INPP5A: variants seen among roughly 807,000 people sequenced by gnomAD.
INPP5A encodes inositol polyphosphate-5-phosphatase A.
A neutral mutation model predicts 65.2 loss-of-function variants in INPP5A; 14 were observed. That is an observed-to-expected ratio of 0.21 (90% confidence interval 0.14 to 0.34). The LOEUF (loss-of-function observed/expected upper bound fraction) is 0.34, where lower values mean the gene tolerates loss of function less well. Among genes scored for constraint, INPP5A ranks in the 10% least tolerant of loss-of-function variants. INPP5A has a pLI of 1.00. For synonymous variants in INPP5A, 207 were observed against 208.3 expected (o/e 0.99, Z 0.05); for missense variants, 431 against 545.6 (o/e 0.79, Z 2.09).
intron 1 of INPP5A, among the ~76,000 whole-genome samples, chr10:132,542,406 T>C (rs1013268952): frequency 2.6e-5 from 4 of 152,098 alleles, no homozygotes; most frequent in Non-Finnish European, 4.4e-5. Context: ...GAGTCGGTGA[T>C]GGTCAGTGGT....
intron 4 of INPP5A, among the ~76,000 whole-genome samples, chr10:132,671,445 C>T (rs539488362): frequency 2.6e-5 from 4 of 151,716 alleles, no homozygotes; most frequent in Non-Finnish European, 5.9e-5. Flanking sequence ...GCTTCGGACT[C>T]GGCCCTCCCT....
At chr10:132,623,207 A>G (rs927132863) in intron 2 of INPP5A, among the ~76,000 whole-genome samples, 23 of 152,264 alleles carry the variant, frequency 1.5e-4, no homozygotes, top group Non-Finnish European at 2.6e-4. Context: ...AAGTAAAAAC[A>G]TACTAATGTT....
chr10:132,607,802 C>T, intron 1 of INPP5A, 113 bp from the exon 2 acceptor site: 1 of 1,082,244 alleles, frequency 9.2e-7, no homozygotes, highest in Non-Finnish European at 1.4e-6. Flanking sequence ...CGGGGTGGGC[C>T]CGGGCTGCGC....
At position 132,759,886 on chromosome 10, in the gene INPP5A, C is replaced by T. The variant is rs143498998; in HGVS notation, c.904-5887C>T. Among the ~76,000 whole-genome samples, 430 of 152,274 alleles carry T rather than the reference C, an allele frequency of 2.8e-3. 6 individuals carry two copies. Among genetic ancestry groups the T allele is most frequent in the African/African-American group, 8.5e-3 (354 of 41,548 alleles). On this transcript the variant is annotated intron_variant, in intron 11 of 15. Transcript: ENST00000368594. ...CTTCTTGTTCACGTGCCCCTTGATG[C>T]GCAGTCCCGTGCTCACTGTGCCCGG... is the stretch of plus-strand genomic sequence containing the variant.
intron 9 of INPP5A, among the ~76,000 whole-genome samples, chr10:132,737,089 A>G (rs915961570): frequency 6.6e-6 from 1 of 152,214 alleles, no homozygotes; most frequent in Non-Finnish European, 1.5e-5. Flanking sequence ...CTAAAAACTG[A>G]GAGCATGGCG....
intron 1 of INPP5A, among the ~76,000 whole-genome samples, chr10:132,574,051 G>T (rs1475080062): frequency 1.1e-4 from 2 of 17,664 alleles, no homozygotes; most frequent in Non-Finnish European, 9.6e-5. Flanking sequence ...TTGTTGAGAT[G>T]TTGGGGTGTG....
chr10:132,641,219 G>A (rs944560236), intron 2 of INPP5A, among the ~76,000 whole-genome samples: 3 of 152,206 alleles, frequency 2.0e-5, no homozygotes, highest in Non-Finnish European at 2.9e-5. Flanking sequence ...AGGATAACAC[G>A]TTGCTCCATT....
chr10:132,596,412 G>T (rs554082806), intron 1 of INPP5A, among the ~76,000 whole-genome samples: 1 of 151,774 alleles, frequency 6.6e-6, no homozygotes, highest in Non-Finnish European at 1.5e-5. Flanking sequence ...GTGTGTGTGC[G>T]TGTGTGTGCA....
At chr10:132,745,745 G>A in intron 9 of INPP5A, among the ~76,000 whole-genome samples, 1 of 150,948 alleles carries the variant, frequency 6.6e-6, no homozygotes, top group African/African-American at 2.4e-5. Context: ...GTGGGCCTCA[G>A]CTGTGGTGGC....
intron 1 of INPP5A, among the ~76,000 whole-genome samples, chr10:132,572,969 G>T (rs1316380911): frequency 6.6e-6 from 1 of 151,898 alleles, no homozygotes; most frequent in African/African-American, 2.4e-5. Context: ...TGGGGTGTAC[G>T]TGCCGTGTGA....
chr10:132,566,171 A>AT (rs1172671383), intron 1 of INPP5A, among the ~76,000 whole-genome samples: 2 of 152,232 alleles, frequency 1.3e-5, no homozygotes, highest in African/African-American at 4.8e-5. Flanking sequence ...AAAAATTGGT[A>AT]TGTATGCAAG....
At chr10:132,578,943 G>T (rs1321592998) in intron 1 of INPP5A, among the ~76,000 whole-genome samples, 1 of 152,146 alleles carries the variant, frequency 6.6e-6, no homozygotes, top group Non-Finnish European at 1.5e-5. Flanking sequence ...TAGAGGTCGG[G>T]CCTCACAGGC....
intron 1 of INPP5A, among the ~76,000 whole-genome samples, chr10:132,553,966 C>G (rs751351268): frequency 2.7e-5 from 4 of 148,806 alleles, no homozygotes; most frequent in East Asian, 2.1e-4. Flanking sequence ...TGGTGAACAC[C>G]TTCTCAGAGC....
chr10:132,583,623 C>T lies in INPP5A; in HGVS notation c.76-24292C>T, dbSNP rs573919233. 3.3e-5 allele frequency among the ~76,000 whole-genome samples: 5 copies of T among 152,228 alleles called. No individual in the cohort carries two copies. In the East Asian group the frequency reaches 5.8e-4, roughly 18 times the overall value. ...TTCATACTCTGCTGAGCGTTTTCGC[C>T]GTCGAGGAATGTCGAATGTGCTCAG... is the stretch of plus-strand genomic sequence containing the variant. On this transcript the variant is annotated intron_variant, in intron 1 of 15. Transcript: ENST00000368594.
At chr10:132,730,764 C>T (rs1846070248) in intron 9 of INPP5A, among the ~76,000 whole-genome samples, 2 of 152,196 alleles carry the variant, frequency 1.3e-5, no homozygotes, top group South Asian at 2.1e-4. Context: ...GCCGCGTTGG[C>T]GTGTCCTGCT....
At position 132,739,639 on chromosome 10, in the gene INPP5A, C is replaced by G. The variant is rs549501235; in HGVS notation, c.733-9878C>G. Among the ~76,000 whole-genome samples the G allele has an allele frequency of 7.2e-5, 11 of 152,360 alleles. No homozygotes were observed. In the East Asian group the frequency reaches 1.9e-3, roughly 27 times the overall value. ...TCTGGCCTTTGCTGCCCTCCTTGCC[C>G]TGGGAGCCGGGTGAGTCGCACTCTC... On this transcript the variant is annotated intron_variant, in intron 9 of 15. Coordinates refer to ENST00000368594, the MANE Select transcript of INPP5A (RefSeq NM_005539.5).
intron 1 of INPP5A, among the ~76,000 whole-genome samples, chr10:132,594,107 G>C (rs1481159660): frequency 6.6e-6 from 1 of 152,158 alleles, no homozygotes; most frequent in Non-Finnish European, 1.5e-5. Flanking sequence ...AGGCTGGTTT[G>C]AAGGTTTCCC....
intron 2 of INPP5A, among the ~76,000 whole-genome samples, chr10:132,625,276 C>T (rs2133365837): frequency 6.6e-6 from 1 of 151,666 alleles, no homozygotes; most frequent in South Asian, 2.1e-4. Flanking sequence ...CCCTACTCCG[C>T]TCCTGTCATC....
At chr10:132,736,054 C>A (rs1456416401) in intron 9 of INPP5A, among the ~76,000 whole-genome samples, 1 of 152,256 alleles carries the variant, frequency 6.6e-6, no homozygotes, top group Non-Finnish European at 1.5e-5. Context: ...CAGAGCAGAA[C>A]TGAAAAGATA....
Sources: gnomAD v4.1 joint callset for allele counts (sites outside exome capture counted in the v4.1 genomes callset) on GRCh38, gnomAD v4.1.1 for gene constraint, MANE v1.5 for transcripts, NCBI Gene and HGNC (gene_info 2026-07-23, HGNC 2026-07-21) for gene names.